CELF2: variants seen among roughly 807,000 people sequenced by gnomAD.
CELF2 encodes the protein CUGBP Elav-like family member 2.
In CELF2, 8 loss-of-function variants were observed where a neutral mutation model predicts 62.6. That is an observed-to-expected ratio of 0.13 (90% CI 0.07 to 0.23). The LOEUF (loss-of-function observed/expected upper bound fraction) is 0.23. CELF2 is among the 10% of genes least tolerant of loss of function. The probability of loss-of-function intolerance (pLI) is 1.00; values close to 1 mark genes in which losing one functional copy is unlikely to be tolerated. For synonymous variants in CELF2, 258 were observed against 250.0 expected (o/e 1.03, Z -0.30); for missense variants, 333 against 671.0 (o/e 0.50, Z 5.56).
the CELF2 span, among the ~76,000 whole-genome samples, chr10:10,623,135 C>T: frequency 8.0e-6 from 1 of 124,738 alleles, no homozygotes; most frequent in South Asian, 2.5e-4. Flanking sequence ...GGATAAAATG[C>T]TGTCAGTCAC....
the CELF2 span, among the ~76,000 whole-genome samples, chr10:10,594,873 T>C: frequency 6.6e-6 from 1 of 150,838 alleles, no homozygotes; most frequent in Non-Finnish European, 1.5e-5. Context: ...CTTTCAGGAG[T>C]TCTCTCAACC....
intron 1 of CELF2, among the ~76,000 whole-genome samples, chr10:10,803,463 T>C (rs889894403): frequency 6.6e-6 from 1 of 152,216 alleles, no homozygotes; most frequent in Non-Finnish European, 1.5e-5. Context: ...TCTCCCTGCC[T>C]GGCAATCTTT....
intron 3 of CELF2, among the ~76,000 whole-genome samples, chr10:11,232,888 C>T (rs60921927): frequency 0.11 from 17,394 of 152,018 alleles, 1,415 homozygotes; most frequent in East Asian, 0.23. Context: ...GAGCAGCATC[C>T]CGGAGTCTTG....
chr10:11,166,964 A>G (rs1011481330), intron 2 of CELF2, among the ~76,000 whole-genome samples: 6 of 152,248 alleles, frequency 3.9e-5, no homozygotes, highest in African/African-American at 1.4e-4. Context: ...AGAAAGGTGG[A>G]CATGCGTGTC....
chr10:10,872,355 T>A (rs140342658), intron 1 of CELF2, among the ~76,000 whole-genome samples: 1 of 152,188 alleles, frequency 6.6e-6, no homozygotes, highest in African/African-American at 2.4e-5. Flanking sequence ...TGTTTTTAAA[T>A]GACTTTGAGA....
At chr10:10,591,828 A>G in the CELF2 span, among the ~76,000 whole-genome samples, 2 of 152,202 alleles carry the variant, frequency 1.3e-5, no homozygotes, top group Non-Finnish European at 2.9e-5. Flanking sequence ...TTTAGAACCC[A>G]AAGTCTCTCC....
chr10:11,047,841 T>C (rs2063141933), intron 1 of CELF2, among the ~76,000 whole-genome samples: 1 of 152,232 alleles, frequency 6.6e-6, no homozygotes. Flanking sequence ...TTTATTTGTC[T>C]AATTTACCCA....
the CELF2 span, among the ~76,000 whole-genome samples, chr10:10,547,551 C>T: frequency 3.9e-5 from 6 of 152,036 alleles, no homozygotes; most frequent in South Asian, 2.1e-4. Flanking sequence ...GTCCAGTTGC[C>T]TCCAAGATCA....
In CELF2 at chr10:11,314,035, G is replaced by A; in HGVS notation, c.977-104G>A. 1 of 1,184,996 alleles carries A rather than the reference G, an allele frequency of 8.4e-7. No homozygotes were observed. Among genetic ancestry groups the A allele is most frequent in the East Asian group, 2.4e-5 (1 of 42,480 alleles). 73.4% of individuals were successfully genotyped at this position (1,184,996 alleles called of 1,614,324 possible). On this transcript the variant is annotated intron_variant, in intron 9 of 12. Coordinates refer to ENST00000633077, the MANE Select transcript of CELF2 (RefSeq NM_001326342.2). The surrounding 1 kb of genome is among the most constrained non-coding windows in gnomAD (Gnocchi z 5.3). ...TCCTTCACCCAAAGCCACAAGCACA[G>A]CTCCTCAGCTCCGTCCACTGAGATG...
At chr10:11,016,398 G>C (rs1307058600), upstream of CELF2, among the ~76,000 whole-genome samples, 1 of 152,118 alleles carries the variant, frequency 6.6e-6, no homozygotes, top group Non-Finnish European at 1.5e-5. The surrounding 1 kb of genome is among the most constrained non-coding windows in gnomAD (Gnocchi z 5.2). Context: ...GGAAATAGAA[G>C]GTCAAAAGCC....
chr10:10,767,867 G>A, the CELF2 span, among the ~76,000 whole-genome samples: 1 of 140,564 alleles, frequency 7.1e-6, no homozygotes, highest in African/African-American at 2.7e-5. Flanking sequence ...GTGGTGGCGG[G>A]CGCCTGTAGT....
the CELF2 span, among the ~76,000 whole-genome samples, chr10:10,655,478 A>G: frequency 8.0e-4 from 103 of 128,088 alleles, 13 homozygotes; most frequent in African/African-American, 2.8e-3. Context: ...ACTATACTAC[A>G]AGGCTATAGT....
the CELF2 span, among the ~76,000 whole-genome samples, chr10:10,696,935 C>A: frequency 3.9e-5 from 6 of 152,192 alleles, no homozygotes; most frequent in Admixed American, 6.5e-5. Context: ...GCAGAAATCA[C>A]CCGTCTTCTG....
Position 11,094,283 on chromosome 10 carries a change from T to C in CELF2, c.75-71203T>C, listed in dbSNP as rs754247252. ...TTTAGAGCCATAAGAATCTGCTGTT[T>C]TTCTAAAATGCCATCATTTGTAAGC... On this transcript the variant is annotated intron_variant, in intron 1 of 12. Transcript: ENST00000633077. Among the ~76,000 whole-genome samples, 3 of 152,256 alleles carry C rather than the reference T, an allele frequency of 2.0e-5. No homozygotes were observed. The South Asian group carries it at 6.2e-4, about 31-fold the overall frequency.
intron 2 of CELF2, among the ~76,000 whole-genome samples, chr10:11,186,198 T>A (rs2074830154): frequency 6.6e-6 from 1 of 152,114 alleles, no homozygotes; most frequent in Admixed American, 6.5e-5. Context: ...CTCCTGATAC[T>A]CCTGGTACTG....
chr10:11,137,546 GAGTAAT>G (rs2060627211), intron 1 of CELF2, among the ~76,000 whole-genome samples: 1 of 152,152 alleles, frequency 6.6e-6, no homozygotes, highest in African/African-American at 2.4e-5. Flanking sequence ...AAAATGGCCT[GAGTAAT>G]AGTACTTATC....
chr10:10,945,951 G>T (rs2047628824), intron 2 of CELF2: 1 of 152,696 alleles, frequency 6.5e-6, no homozygotes. Context: ...GCGACCAAAA[G>T]AGCAAGATTT....
At chr10:10,766,930 A>G in the CELF2 span, among the ~76,000 whole-genome samples, 2 of 152,032 alleles carry the variant, frequency 1.3e-5, no homozygotes, top group Admixed American at 6.5e-5. Context: ...CTGATGGAGC[A>G]CCCGTTCATT....
At chr10:10,692,407 T>C in the CELF2 span, among the ~76,000 whole-genome samples, 712 of 149,152 alleles carry the variant, frequency 4.8e-3, 3 homozygotes, top group African/African-American at 6.6e-3. Context: ...TTTTGGTTAC[T>C]GTAGCCTTGT....
Sources: gnomAD v4.1 joint callset for allele counts (sites outside exome capture counted in the v4.1 genomes callset) on GRCh38, gnomAD v4.1.1 for gene constraint, Gnocchi (gnomAD v3.1) non-coding constraint, MANE v1.5 for transcripts, NCBI Gene and HGNC (gene_info 2026-07-23, HGNC 2026-07-21) for gene names.